The following PRKN variants were observed in gnomAD, a reference collection of about 807,000 sequenced individuals.
PRKN encodes the protein parkin RBR E3 ubiquitin protein ligase, also known as E3 ubiquitin-protein ligase parkin.
PRKN carries 56 observed loss-of-function variants against 59.5 expected under a neutral mutation model. That is an observed-to-expected ratio of 0.94 (90% CI 0.76 to 1.18). The LOEUF (loss-of-function observed/expected upper bound fraction) is 1.18, where lower values mean the gene tolerates loss of function less well. Ranked by LOEUF, PRKN falls within the 50% of genes most tolerant of loss-of-function variation. The pLI is 0.00. For missense variants in PRKN, 657 were observed against 596.4 expected (o/e 1.10, Z -1.06); for synonymous variants, 250 against 222.1 (o/e 1.13, Z -1.12).
rs888170115 is a variant in PRKN at position 161,547,047 on chromosome 6, C to A, written c.1083+1807G>T. On this transcript the variant is annotated intron_variant, in intron 9 of 11. Transcript: ENST00000366898. This position sits in a 1 kb window ranked among gnomAD's most constrained non-coding sequence, Gnocchi z 4.0. ...AGGAGGAACCCTGAGCCAGAACTAC[C>A]CAGCAAAGCCACTCACGGGTGATTC... Among the ~76,000 whole-genome samples, 1 of 152,094 alleles carries A rather than the reference C, an allele frequency of 6.6e-6. No homozygotes were observed. Among genetic ancestry groups the A allele is most frequent in the Non-Finnish European group, 1.5e-5 (1 of 68,022 alleles).
At chr6:161,692,026 T>A (rs1028949023) in intron 7 of PRKN, among the ~76,000 whole-genome samples, 1 of 151,132 alleles carries the variant, frequency 6.6e-6, no homozygotes, top group Non-Finnish European at 1.5e-5. Context: ...AATTTTTATC[T>A]CTCTCCAACT....
At position 161,473,731 on chromosome 6, in the gene PRKN, G is replaced by T. The variant is rs985998783; in HGVS notation, c.1083+75123C>A. On this transcript the variant is annotated intron_variant, in intron 9 of 11. Transcript: ENST00000366898. This position sits in a 1 kb window ranked among gnomAD's most constrained non-coding sequence, Gnocchi z 4.1. Reference sequence around the variant, plus strand: ...GATTTTAGGTGCTATTACTGTATACGTATGAAAAAAGTAACCATGAAGATG... The same window carrying T: ...GATTTTAGGTGCTATTACTGTATACTTATGAAAAAAGTAACCATGAAGATG... Among the ~76,000 whole-genome samples the T allele has an allele frequency of 6.6e-6, 1 of 152,224 alleles. No individual in the cohort carries two copies. The highest frequency in any genetic ancestry group is 6.5e-5 in the Admixed American group (1 of 15,290).
intron 6 of PRKN, among the ~76,000 whole-genome samples, chr6:161,791,532 A>G (rs376337255): frequency 7.2e-5 from 11 of 152,150 alleles, no homozygotes; most frequent in African/African-American, 2.2e-4. Context: ...CTTTCTCTCC[A>G]TTTGCCTGAT....
At chr6:161,572,666 A>G (rs1048107033) in intron 7 of PRKN, among the ~76,000 whole-genome samples, 3 of 151,956 alleles carry the variant, frequency 2.0e-5, no homozygotes, top group Admixed American at 2.0e-4. Context: ...GTCTCAATAA[A>G]TAAATAAATA....
intron 1 of PRKN, among the ~76,000 whole-genome samples, chr6:162,657,226 A>C (rs982999446): frequency 1.3e-5 from 2 of 152,230 alleles, no homozygotes; most frequent in Non-Finnish European, 2.9e-5. Context: ...TGACAGAGCC[A>C]GTGTTACAGA....
intron 1 of PRKN, among the ~76,000 whole-genome samples, chr6:162,708,489 A>T (rs1778411984): frequency 1.3e-5 from 2 of 152,248 alleles, no homozygotes; most frequent in South Asian, 4.1e-4. Context: ...AATGGGCAGG[A>T]AAGCTGCTTC....
At chr6:162,008,007 A>T (rs1425013669) in intron 5 of PRKN, among the ~76,000 whole-genome samples, 1 of 152,170 alleles carries the variant, frequency 6.6e-6, no homozygotes, top group Non-Finnish European at 1.5e-5. Context: ...GATACCACAC[A>T]CTTAAGCAAG....
chr6:162,306,453 T>C (rs1782231819), intron 2 of PRKN, among the ~76,000 whole-genome samples: 1 of 152,130 alleles, frequency 6.6e-6, no homozygotes, highest in South Asian at 2.1e-4. Flanking sequence ...GGGAATACTT[T>C]CATTACATGT....
At chr6:161,387,783 G>A (rs1387392660) in intron 9 of PRKN, among the ~76,000 whole-genome samples, 2 of 152,130 alleles carry the variant, frequency 1.3e-5, no homozygotes, top group Non-Finnish European at 2.9e-5. Flanking sequence ...GAAAGTAACT[G>A]TATTTGGAGA....
intron 1 of PRKN, among the ~76,000 whole-genome samples, chr6:162,593,275 C>T (rs1041074257): frequency 6.6e-6 from 1 of 152,228 alleles, no homozygotes; most frequent in Non-Finnish European, 1.5e-5. Flanking sequence ...ATGAAAGAAA[C>T]AGAAAAATTT....
chr6:161,827,243 G>GA (rs1792284464), intron 6 of PRKN, among the ~76,000 whole-genome samples: 1 of 152,190 alleles, frequency 6.6e-6, no homozygotes, highest in Non-Finnish European at 1.5e-5. Context: ...TGAAGACCCT[G>GA]AAGATGCTGT....
chr6:162,116,367 G>A (rs544820096), intron 4 of PRKN, among the ~76,000 whole-genome samples: 1 of 152,224 alleles, frequency 6.6e-6, no homozygotes, highest in South Asian at 2.1e-4. Flanking sequence ...GGCAGATTTG[G>A]GTCTCAATTG....
rs1379597082 is a variant in PRKN, at chr6:161,550,307, T to C, written c.934-1304A>G. ...ACAGCTGCTTTCAGAACCCTGGGTG[T>C]TATTCTGGAAGATACCAGAACCACT... On this transcript the variant is annotated intron_variant, in intron 8 of 11. Transcript: ENST00000366898. The surrounding 1 kb of genome is among the most constrained non-coding windows in gnomAD (Gnocchi z 4.0). Among the ~76,000 whole-genome samples, 5 of 152,212 alleles carry C rather than the reference T, an allele frequency of 3.3e-5. No individual in the cohort carries two copies. Among genetic ancestry groups the C allele is most frequent in the Non-Finnish European group, 7.3e-5 (5 of 68,046 alleles).
At chr6:162,088,694 A>T (rs1192779765) in intron 4 of PRKN, among the ~76,000 whole-genome samples, 1 of 152,170 alleles carries the variant, frequency 6.6e-6, no homozygotes, top group African/African-American at 2.4e-5. Context: ...ATCTGAATAG[A>T]CCCATAACAA....
At position 161,515,977 on chromosome 6, in the gene PRKN, G is replaced by A. The variant is rs145695643; in HGVS notation, c.1083+32877C>T. On this transcript the variant is annotated intron_variant, in intron 9 of 11. Transcript: ENST00000366898. ...ATAAGACTGCAAAGTTCAACATTAT[G>A]TGATTTATCTCAGTGACCTGTAAGT... Among the ~76,000 whole-genome samples, 11 of 152,304 alleles carry A rather than the reference G, an allele frequency of 7.2e-5. No individual in the cohort carries two copies. In the East Asian group the frequency reaches 1.9e-3, roughly 27 times the overall value.
intron 1 of PRKN, among the ~76,000 whole-genome samples, chr6:162,560,013 T>C (rs1458051200): frequency 6.6e-6 from 1 of 152,222 alleles, no homozygotes; most frequent in African/African-American, 2.4e-5. Flanking sequence ...TCAATTAACA[T>C]CTGATACCAT....
intron 2 of PRKN, among the ~76,000 whole-genome samples, chr6:162,364,117 C>T (rs1176218085): frequency 6.6e-6 from 1 of 152,162 alleles, no homozygotes; most frequent in Admixed American, 6.6e-5. Flanking sequence ...AGCAGGCTCA[C>T]TGATTTGTAA....
chr6:162,470,011 C>G (rs1791651307), intron 1 of PRKN, among the ~76,000 whole-genome samples: 1 of 152,100 alleles, frequency 6.6e-6, no homozygotes, highest in Non-Finnish European at 1.5e-5. Flanking sequence ...GGGCACAGGA[C>G]TAGGAAACTA....
At chr6:162,055,960 TCA>T (rs1777840422) in intron 4 of PRKN, among the ~76,000 whole-genome samples, 1 of 150,276 alleles carries the variant, frequency 6.7e-6, no homozygotes. Context: ...TGCCACACAC[TCA>T]CATATACATG....
Sources: allele counts gnomAD v4.1 joint callset (sites outside exome capture counted in the v4.1 genomes callset), GRCh38; gene constraint gnomAD v4.1.1; non-coding constraint Gnocchi (gnomAD v3.1); transcripts MANE v1.5; gene names NCBI Gene and HGNC (gene_info 2026-07-23, HGNC 2026-07-21).